The following SPATA22 variants were observed in gnomAD, a reference collection of about 807,000 sequenced individuals.
SPATA22 encodes the protein spermatogenesis-associated protein 22.
A neutral mutation model predicts 47.8 loss-of-function variants in SPATA22; 29 were observed. The observed-to-expected ratio is 0.61, with a 90% CI of 0.45 to 0.83. The LOEUF (loss-of-function observed/expected upper bound fraction) is 0.83. SPATA22 is among the 40% of genes least tolerant of loss of function. The probability of loss-of-function intolerance (pLI) is 0.00; values close to 1 mark genes in which losing one functional copy is unlikely to be tolerated. For synonymous variants in SPATA22, 133 were observed against 140.9 expected (o/e 0.94, Z 0.40); for missense variants, 410 against 421.7 (o/e 0.97, Z 0.24).
chr17:3,510,424 C>G (rs2074096840), intron 1 of SPATA22: 1 of 152,232 alleles, frequency 6.6e-6, no homozygotes. Context: ...TCCCTTTACC[C>G]ACTCCTGTTA....
At chr17:3,446,687 T>A (rs1597387677) in intron 6 of SPATA22, 86 bp from the exon 7 acceptor site, 1 of 1,090,770 alleles carries the variant, frequency 9.2e-7, no homozygotes, top group East Asian at 2.8e-5. Flanking sequence ...AAATTCTAAG[T>A]CCTTACAATG....
intron 1 of SPATA22, chr17:3,498,865 T>A: frequency 2.7e-6 from 4 of 1,495,538 alleles, no homozygotes; most frequent in Non-Finnish European, 3.6e-6. Flanking sequence ...AAATATAATA[T>A]ATTTATTTTG....
chr17:3,493,560 C>CAAAAAA (rs746229421), intron 1 of SPATA22, among the ~76,000 whole-genome samples: 2 of 56,356 alleles, frequency 3.5e-5, no homozygotes, highest in Admixed American at 2.7e-4. Context: ...GGTTCCATCT[C>CAAAAAA]AAAAAAAAAA....
At chr17:3,510,349 A>T (rs2074096081) in intron 1 of SPATA22, among the ~76,000 whole-genome samples, 1 of 152,190 alleles carries the variant, frequency 6.6e-6, no homozygotes, top group South Asian at 2.1e-4. Flanking sequence ...GACATGCCTT[A>T]TGGCTTGCTG....
Position 3,449,144 on chromosome 17 carries a change from C to G in SPATA22, c.335G>C (p.Arg112Thr), listed in dbSNP as rs2291604. 37,497 of 1,587,940 alleles carry G rather than the reference C, an allele frequency of 0.024. 990 individuals carry two copies. The highest frequency in any genetic ancestry group is 0.1 in the East Asian group (4,640 of 44,424). ...CAAGCTGGTATTTTTGTTACCATCTCTGTAGCTGTAATAGTGCAAAAAAAA... is the reference window on the plus strand; with the variant it reads ...CAAGCTGGTATTTTTGTTACCATCTGTGTAGCTGTAATAGTGCAAAAAAAA... ...TGRSQGGWSY[R>T]DGNKNTSLKT... Residue 112 changes from arginine (R) to threonine (T), a missense_variant, in exon 6 of 9, where the codon AGA becomes ACA. Transcript: ENST00000572969.
At position 3,497,234 on chromosome 17, in the gene SPATA22, G is replaced by A. The variant is rs376975181; in HGVS notation, c.-74+16178C>T. ...TCTCCACAGGTGGGGCTAGCCAGAC[G>A]TGTGTTGAAGAGGTTCCTTTAGTGA... On this transcript the variant is annotated intron_variant, in intron 1 of 8. Coordinates refer to the SPATA22 transcript ENST00000541913. 1.2e-4 allele frequency among the ~76,000 whole-genome samples: 19 copies of A among 152,290 alleles called. No homozygotes were observed. In the South Asian group the frequency reaches 3.1e-3, roughly 25 times the overall value.
At chr17:3,460,967 C>T (rs1418875687) in intron 5 of SPATA22, among the ~76,000 whole-genome samples, 1 of 152,058 alleles carries the variant, frequency 6.6e-6, no homozygotes, top group Non-Finnish European at 1.5e-5. Context: ...TACTAATTGT[C>T]CATATCCTAA....
intron 2 of SPATA22, chr17:3,469,040 C>T (rs970799304): frequency 5.6e-6 from 2 of 359,422 alleles, no homozygotes; most frequent in African/African-American, 4.2e-5. Flanking sequence ...CATAGAATAA[C>T]TCAAGCACAT....
At chr17:3,505,184 C>T (rs1285927986) in intron 1 of SPATA22, among the ~76,000 whole-genome samples, 6 of 152,184 alleles carry the variant, frequency 3.9e-5, no homozygotes, top group Non-Finnish European at 8.8e-5. Context: ...CTAGGTTAGG[C>T]CACTCTGTTA....
chr17:3,498,792 A>T (rs1405223977), intron 1 of SPATA22: 2 of 1,184,350 alleles, frequency 1.7e-6, no homozygotes, highest in Non-Finnish European at 2.3e-6. Flanking sequence ...CTTTTAAAAC[A>T]ACAGAATACT....
chr17:3,496,890 C>G (rs1443985062), intron 1 of SPATA22, among the ~76,000 whole-genome samples: 1 of 152,062 alleles, frequency 6.6e-6, no homozygotes, highest in Non-Finnish European at 1.5e-5. Flanking sequence ...CACGGTGAAA[C>G]CCCATCTCTA....
intron 5 of SPATA22, among the ~76,000 whole-genome samples, chr17:3,453,478 A>T (rs2072910680): frequency 6.6e-6 from 1 of 152,194 alleles, no homozygotes; most frequent in Non-Finnish European, 1.5e-5. Context: ...TAAAAAAAAT[A>T]AGTATAGAAG....
intron 3 of SPATA22, among the ~76,000 whole-genome samples, chr17:3,467,137 C>G (rs944145041): frequency 1.3e-5 from 2 of 152,062 alleles, no homozygotes; most frequent in African/African-American, 4.8e-5. Flanking sequence ...AACACAATAT[C>G]CACGTGAATT....
In SPATA22 at chr17:3,488,614, ACC is replaced by A. The variant is rs2073768416; in HGVS notation, c.-73-19218_-73-19217del. Among the ~76,000 whole-genome samples, 4 of 152,034 alleles carry A rather than the reference ACC, an allele frequency of 2.6e-5. No individual in the cohort carries two copies. The highest frequency in any genetic ancestry group is 4.4e-5 in the Non-Finnish European group (3 of 67,964). ...AGAGGTTGCAGTGAGCAGAAATCAC[ACC>A]ACTGTACTCCAGCCTGGGTGACAGA... On this transcript the variant is annotated intron_variant, in intron 1 of 8. Transcript: ENST00000541913. This position sits in a 1 kb window ranked among gnomAD's most constrained non-coding sequence, Gnocchi z 6.1.
intron 5 of SPATA22, among the ~76,000 whole-genome samples, chr17:3,460,145 C>T (rs991807222): frequency 2.0e-5 from 3 of 152,022 alleles, no homozygotes; most frequent in Non-Finnish European, 4.4e-5. Flanking sequence ...ATAGACAAGA[C>T]AGCACAAAGT....
chr17:3,506,131 GT>G (rs1455760640), intron 1 of SPATA22, among the ~76,000 whole-genome samples: 1 of 152,114 alleles, frequency 6.6e-6, no homozygotes, highest in African/African-American at 2.4e-5. Flanking sequence ...AGAGACCTTT[GT>G]ATGCCTGTTC....
chr17:3,449,852 ATT>A (rs927595752), intron 5 of SPATA22, among the ~76,000 whole-genome samples: 2 of 147,694 alleles, frequency 1.4e-5, no homozygotes, highest in South Asian at 4.3e-4. Flanking sequence ...TAAGTCACGA[ATT>A]TTTTTTTTTT....
At chr17:3,444,563 G>A (rs1207706683) in intron 7 of SPATA22, among the ~76,000 whole-genome samples, 1 of 152,024 alleles carries the variant, frequency 6.6e-6, no homozygotes, top group African/African-American at 2.4e-5. Context: ...ATAGTGTGGA[G>A]CCTTAAGATG....
chr17:3,489,144 A>G (rs1350993644), intron 1 of SPATA22: 2 of 827,094 alleles, frequency 2.4e-6, no homozygotes, highest in African/African-American at 1.7e-5. Flanking sequence ...TTTTAACAAC[A>G]TAATTCTAAA....
Sources: gnomAD v4.1 joint callset for allele counts (sites outside exome capture counted in the v4.1 genomes callset) on GRCh38, gnomAD v4.1.1 for gene constraint, Gnocchi (gnomAD v3.1) non-coding constraint, MANE v1.5 for transcripts, NCBI Gene and HGNC (gene_info 2026-07-23, HGNC 2026-07-21) for gene names.